The following KMT2C variants were observed in gnomAD, a reference collection of about 807,000 sequenced individuals.
The protein encoded by KMT2C is lysine methyltransferase 2C.
A neutral mutation model predicts 507.9 loss-of-function variants in KMT2C; 88 were observed. The ratio of observed to expected loss-of-function variants is 0.17; its 90% CI spans 0.15 to 0.21. The LOEUF is 0.21. Among genes scored for constraint, KMT2C ranks in the 10% least tolerant of loss-of-function variants. KMT2C has a pLI of 1.00. For missense variants in KMT2C, 4,954 were observed against 5,957.8 expected, an observed-to-expected ratio of 0.83 and a Z score of 5.55; for synonymous variants, 2,049 against 2,080.8, an observed-to-expected ratio of 0.98 and a Z score of 0.42.
chr7:152,366,937 A>G (rs945248174), intron 1 of KMT2C: 1 of 482,224 alleles, frequency 2.1e-6, no homozygotes, highest in Non-Finnish European at 3.7e-6. Flanking sequence ...CCTGGCGGGC[A>G]CGATCGCAAG....
chr7:152,188,461 A>T (rs1251982996), intron 31 of KMT2C, among the ~76,000 whole-genome samples: 1 of 152,122 alleles, frequency 6.6e-6, no homozygotes, highest in Non-Finnish European at 1.5e-5. Flanking sequence ...TTAACTCCTA[A>T]AAAACACTAA....
At chr7:152,282,427 T>C (rs11971877) in intron 6 of KMT2C, among the ~76,000 whole-genome samples, 6,551 of 152,172 alleles carry the variant, frequency 0.043, 82 homozygotes, top group South Asian at 0.085. Context: ...GACCTCAAAT[T>C]GAAAGTCCTC....
intron 6 of KMT2C, among the ~76,000 whole-genome samples, chr7:152,294,371 C>T (rs1014156876): frequency 1.3e-5 from 2 of 152,160 alleles, no homozygotes; most frequent in African/African-American, 4.8e-5. Flanking sequence ...TGATTGAGTA[C>T]TGACAGGTAA....
At chr7:152,178,076 T>C in intron 37 of KMT2C, 66 bp from the exon 38 acceptor site, 9 of 1,321,250 alleles carry the variant, frequency 6.8e-6, no homozygotes, top group Admixed American at 3.5e-5. Flanking sequence ...TAGAGTTAAG[T>C]TGAAAAAAAG....
intron 1 of KMT2C, among the ~76,000 whole-genome samples, chr7:152,419,442 C>T (rs1311792712): frequency 2.6e-5 from 4 of 152,040 alleles, no homozygotes; most frequent in African/African-American, 9.7e-5. Context: ...AAAAAAAGTA[C>T]AAGACCTGTG....
At chr7:152,255,123 A>ATG (rs1472517667) in intron 9 of KMT2C, among the ~76,000 whole-genome samples, 2 of 112,630 alleles carry the variant, frequency 1.8e-5, no homozygotes, top group Admixed American at 8.3e-5. Flanking sequence ...ATATATATAT[A>ATG]TATATATATA....
Position 152,426,634 on chromosome 7 carries a change from C to T in KMT2C, c.161+8992G>A, listed in dbSNP as rs114889294. ...CTGATTGATAATTGATGATTAGTGG[C>T]AATGACAGTAACAACAGTAGTTAAA... On this transcript the variant is annotated intron_variant, in intron 1 of 58. Coordinates refer to ENST00000262189, the MANE Select transcript of KMT2C (RefSeq NM_170606.3). 7.4e-3 allele frequency among the ~76,000 whole-genome samples: 1,134 copies of T among 152,260 alleles called. 15 individuals carry two copies. Among genetic ancestry groups the T allele is most frequent in the African/African-American group, 0.026 (1,092 of 41,566 alleles).
chr7:152,407,945 T>TAC (rs1796819645), intron 1 of KMT2C, among the ~76,000 whole-genome samples: 1 of 152,278 alleles, frequency 6.6e-6, no homozygotes, highest in Admixed American at 6.5e-5. Context: ...CAACAGTCCT[T>TAC]ACAAAATATG....
At chr7:152,365,866 GTCC>G (rs2097238945) in intron 1 of KMT2C, among the ~76,000 whole-genome samples, 1 of 152,148 alleles carries the variant, frequency 6.6e-6, no homozygotes, top group South Asian at 2.1e-4. Flanking sequence ...TGTGCCTGTA[GTCC>G]TGGGTACTCA....
chr7:152,220,912 G>A (rs2094745165), intron 22 of KMT2C, among the ~76,000 whole-genome samples, 177 bp from the exon 23 acceptor site: 1 of 152,140 alleles, frequency 6.6e-6, no homozygotes, highest in African/African-American at 2.4e-5. Context: ...ATGAACAATA[G>A]GTCAAATTTC....
chr7:152,289,851 A>C (rs577210284), intron 6 of KMT2C, among the ~76,000 whole-genome samples: 9 of 152,290 alleles, frequency 5.9e-5, no homozygotes, highest in Admixed American at 2.0e-4. Flanking sequence ...GTTCAAGACC[A>C]GCCTAGCCAA....
intron 1 of KMT2C, among the ~76,000 whole-genome samples, chr7:152,397,469 C>G (rs1401319507): frequency 6.6e-6 from 1 of 152,158 alleles, no homozygotes; most frequent in Admixed American, 6.6e-5. Context: ...AAAATCCCAG[C>G]TTCTTACCAC....
chr7:152,337,104 G>T (rs956999218), intron 2 of KMT2C, among the ~76,000 whole-genome samples: 1 of 152,070 alleles, frequency 6.6e-6, no homozygotes, highest in East Asian at 1.9e-4. Flanking sequence ...GGGCAACATG[G>T]CAAAAGCAAA....
intron 2 of KMT2C, 57 bp from the exon 3 acceptor site, chr7:152,330,796 C>A: frequency 6.8e-7 from 1 of 1,473,166 alleles, no homozygotes; most frequent in Non-Finnish European, 9.4e-7. Flanking sequence ...ATTTTAATCA[C>A]TGGTGAATGT....
intron 1 of KMT2C, among the ~76,000 whole-genome samples, chr7:152,426,239 T>G (rs2097817618): frequency 6.8e-6 from 1 of 146,702 alleles, no homozygotes; most frequent in Admixed American, 6.8e-5. Flanking sequence ...AGTTTTTTTT[T>G]TTTTTTTTTT....
rs1588626891 is a variant in KMT2C at position 152,255,109 on chromosome 7, T to TATATATATATATA, written c.1300-2395_1300-2394insTATATATATATAT. On this transcript the variant is annotated intron_variant, in intron 9 of 58. Coordinates refer to ENST00000262189, the MANE Select transcript of KMT2C (RefSeq NM_170606.3). ...AATCAAGATGTCAATCAACTCTCAC[T>TATATATATATATA]TATATATATATATATATATATATAT... 5.2e-3 allele frequency among the ~76,000 whole-genome samples: 406 copies of TATATATATATATA among 78,332 alleles called. 17 individuals are homozygous for TATATATATATATA. Among genetic ancestry groups the TATATATATATATA allele is most frequent in the Non-Finnish European group, 7.0e-3 (260 of 37,252 alleles). 51.4% of individuals were successfully genotyped at this position (78,332 alleles called of 152,430 possible). A position where few individuals can be genotyped will look rare whatever the true frequency, so the allele number is the denominator to read the frequency against.
chr7:152,270,341 G>A (rs537167971), intron 7 of KMT2C, among the ~76,000 whole-genome samples: 1 of 152,228 alleles, frequency 6.6e-6, no homozygotes, highest in Non-Finnish European at 1.5e-5. Flanking sequence ...AAGCTTAAGT[G>A]AAGTAAAAGG....
In KMT2C at chr7:152,338,250, G is replaced by GC. The variant is rs2129217551; in HGVS notation, c.251-7512dup. On this transcript the variant is annotated intron_variant, in intron 2 of 58. Coordinates refer to ENST00000262189, the MANE Select transcript of KMT2C (RefSeq NM_170606.3). ...TGAGAATAAAGAAGACATTTATTTA[G>GC]CCCCCTCCGATCTATGCTCCAGAGT... 2.0e-5 allele frequency among the ~76,000 whole-genome samples: 3 copies of GC among 152,224 alleles called. No individual in the cohort carries two copies. In the South Asian group the frequency reaches 6.2e-4, roughly 32 times the overall value.
intron 3 of KMT2C, among the ~76,000 whole-genome samples, chr7:152,329,696 G>GAGAA (rs2096862427): frequency 6.7e-6 from 1 of 150,152 alleles, no homozygotes; most frequent in Non-Finnish European, 1.5e-5. Context: ...GGGAAGGAGG[G>GAGAA]CGGGAAGGAA....
Sources: gnomAD v4.1 joint callset for allele counts (sites outside exome capture counted in the v4.1 genomes callset) on GRCh38, gnomAD v4.1.1 for gene constraint, MANE v1.5 for transcripts, NCBI Gene and HGNC (gene_info 2026-07-23, HGNC 2026-07-21) for gene names.